The following STX8 variants were observed in gnomAD, a reference collection of about 807,000 sequenced individuals.
The protein encoded by STX8 is syntaxin-8.
Under a neutral mutation model 37.5 loss-of-function variants are expected in STX8, and 23 were observed. That is an observed-to-expected ratio of 0.61 (90% CI 0.44 to 0.87). The LOEUF (loss-of-function observed/expected upper bound fraction) is 0.87, where lower values mean the gene tolerates loss of function less well. STX8 is among the 40% of genes least tolerant of loss of function. The pLI, the probability that STX8 is intolerant of heterozygous loss-of-function variation, is 0.00. For missense variants in STX8, 313 were observed against 284.7 expected, an observed-to-expected ratio of 1.10 and a Z score of -0.71; for synonymous variants, 115 against 99.1, an observed-to-expected ratio of 1.16 and a Z score of -0.95.
intron 6 of STX8, among the ~76,000 whole-genome samples, chr17:9,470,556 C>A (rs996644419): frequency 6.6e-6 from 1 of 152,160 alleles, no homozygotes; most frequent in Non-Finnish European, 1.5e-5. Flanking sequence ...CGGCTTTCAC[C>A]TTCTTTCTGT....
At chr17:9,545,339 C>T (rs543930664) in intron 3 of STX8, 57 bp from the exon 4 acceptor site, 202 of 1,277,684 alleles carry the variant, frequency 1.6e-4, no homozygotes, top group Non-Finnish European at 2.2e-4. Flanking sequence ...TTAACTATTA[C>T]ATTATTAAGT....
chr17:9,286,522 GCGATATTT>G (rs1490837241), intron 7 of STX8, among the ~76,000 whole-genome samples: 1 of 152,182 alleles, frequency 6.6e-6, no homozygotes, highest in Non-Finnish European at 1.5e-5. Context: ...AGGCTCTGCA[GCGATATTT>G]CACCTCAATA....
chr17:9,474,262 G>A (rs560669615), intron 6 of STX8, among the ~76,000 whole-genome samples: 33 of 152,172 alleles, frequency 2.2e-4, no homozygotes, highest in South Asian at 1.0e-3. Context: ...GACTGTCCCC[G>A]AGTTGGATCC....
chr17:9,497,953 T>C (rs1904466478), intron 5 of STX8, among the ~76,000 whole-genome samples: 1 of 152,208 alleles, frequency 6.6e-6, no homozygotes. Flanking sequence ...TGGCCAATAC[T>C]AGAGAGCCCT....
In STX8 at chr17:9,437,894, T is replaced by TA. The variant is rs1484452375; in HGVS notation, c.541+53934dup. 7 of 152,206 alleles carry TA rather than the reference T, an allele frequency of 4.6e-5. No individual in the cohort carries two copies. The East Asian group carries it at 1.4e-3, about 29-fold the overall frequency. The allele number at this position is 152,206 out of a possible 1,614,324, so 9.4% of individuals were successfully genotyped here. Reference sequence around the variant, plus strand: ...AATCATTAGAAAGTTCTTCCTAAGGTAAAAAGCAGAGCTGGAATCAACTGG... The same window carrying TA: ...AATCATTAGAAAGTTCTTCCTAAGGTAAAAAAGCAGAGCTGGAATCAACTGG... On this transcript the variant is annotated intron_variant, in intron 6 of 7. Transcript: ENST00000306357.
chr17:9,551,188 C>T (rs1209634948), intron 3 of STX8, among the ~76,000 whole-genome samples: 1 of 152,172 alleles, frequency 6.6e-6, no homozygotes, highest in African/African-American at 2.4e-5. Flanking sequence ...TGCAAGGGAA[C>T]AGTTTAAGGT....
chr17:9,445,925 C>T (rs1248482343), intron 6 of STX8, among the ~76,000 whole-genome samples: 1 of 149,362 alleles, frequency 6.7e-6, no homozygotes, highest in Non-Finnish European at 1.5e-5. Flanking sequence ...GCAAGCTCTG[C>T]CTCCCGGGTT....
intron 7 of STX8, among the ~76,000 whole-genome samples, chr17:9,343,071 G>GTAAGGA (rs1910426094): frequency 1.3e-5 from 2 of 150,570 alleles, no homozygotes; most frequent in Admixed American, 6.6e-5. Context: ...GCACTGAGTG[G>GTAAGGA]TAAGGACAGC....
chr17:9,509,475 C>A (rs1033009191), intron 4 of STX8, among the ~76,000 whole-genome samples: 5 of 152,004 alleles, frequency 3.3e-5, no homozygotes, highest in African/African-American at 7.2e-5. Context: ...GAAATAAAAT[C>A]TTTCACAGAC....
At chr17:9,288,000 G>A (rs1430119011) in intron 7 of STX8, among the ~76,000 whole-genome samples, 6 of 147,630 alleles carry the variant, frequency 4.1e-5, no homozygotes, top group African/African-American at 7.5e-5. Flanking sequence ...CACCCGCCTC[G>A]GCTTCCCAAA....
intron 3 of STX8, chr17:9,554,722 T>C (rs994751087): frequency 1.3e-5 from 2 of 152,114 alleles, no homozygotes; most frequent in Non-Finnish European, 2.9e-5. Flanking sequence ...CTGGCCAACA[T>C]AGTGAAACCT....
chr17:9,304,452 C>T (rs1042306838), intron 7 of STX8, among the ~76,000 whole-genome samples: 1 of 139,000 alleles, frequency 7.2e-6, no homozygotes, highest in Non-Finnish European at 1.5e-5. Context: ...CTTGTTGCAG[C>T]GAACCAAGAT....
At chr17:9,425,988 T>G (rs903258772) in intron 6 of STX8, among the ~76,000 whole-genome samples, 18 of 152,132 alleles carry the variant, frequency 1.2e-4, no homozygotes, top group African/African-American at 3.6e-4. Context: ...CATCCTATAA[T>G]AACTGTCTCT....
At chr17:9,359,546 C>T (rs974237094) in intron 7 of STX8, among the ~76,000 whole-genome samples, 30 of 123,588 alleles carry the variant, frequency 2.4e-4, no homozygotes, top group Non-Finnish European at 4.6e-4. Context: ...CTTGCTCTGT[C>T]GCCCAGGCTG....
rs550283489 is a variant in STX8, at chr17:9,301,025, G to C, written c.644-50380C>G. Among the ~76,000 whole-genome samples the C allele has an allele frequency of 1.1e-4, 17 of 151,718 alleles. No individual in the cohort carries two copies. The East Asian group carries it at 3.1e-3, about 28-fold the overall frequency. Reference sequence around the variant, plus strand: ...TTTTTTGTATTTTTAGTACAGACTCGGTTTCACTGTGTTAGCCACAATGGT... The same window carrying C: ...TTTTTTGTATTTTTAGTACAGACTCCGTTTCACTGTGTTAGCCACAATGGT... On this transcript the variant is annotated intron_variant, in intron 7 of 7. Transcript: ENST00000306357.
chr17:9,500,079 A>G (rs1307148421), intron 5 of STX8, among the ~76,000 whole-genome samples: 1 of 152,092 alleles, frequency 6.6e-6, no homozygotes, highest in Non-Finnish European at 1.5e-5. Flanking sequence ...GTTGTTTTTC[A>G]TTTTTTTCAC....
intron 7 of STX8, among the ~76,000 whole-genome samples, chr17:9,262,651 G>A (rs956947221): frequency 2.0e-5 from 3 of 151,446 alleles, no homozygotes; most frequent in Non-Finnish European, 4.4e-5. Flanking sequence ...GCGAGATCTC[G>A]GCTCACTGCA....
Position 9,504,913 on chromosome 17 carries a change from G to A in STX8, c.448+125C>T. On this transcript the variant is annotated intron_variant, in intron 5 of 7. Coordinates refer to ENST00000306357, the MANE Select transcript of STX8 (RefSeq NM_004853.3). ...CGTTTGAACCCGGGAGGTGGAGGTTGCAGTGAGCCAAGATCACGCCACTGC... is the reference window on the plus strand; with the variant it reads ...CGTTTGAACCCGGGAGGTGGAGGTTACAGTGAGCCAAGATCACGCCACTGC... 9.7e-6 allele frequency: 9 copies of A among 928,636 alleles called. No individual in the cohort carries two copies. The South Asian group carries it at 1.7e-4, about 18-fold the overall frequency. The allele number at this position is 928,636 out of a possible 1,614,324, so 57.5% of individuals were successfully genotyped here.
chr17:9,483,925 T>C (rs1906461346), intron 6 of STX8, among the ~76,000 whole-genome samples: 1 of 152,168 alleles, frequency 6.6e-6, no homozygotes, highest in African/African-American at 2.4e-5. Flanking sequence ...CCTGGCCCCC[T>C]TTGGTAAGAT....
Sources: allele counts gnomAD v4.1 joint callset (sites outside exome capture counted in the v4.1 genomes callset), GRCh38; gene constraint gnomAD v4.1.1; transcripts MANE v1.5; gene names NCBI Gene and HGNC (gene_info 2026-07-23, HGNC 2026-07-21).